Variants in HDAC7 observed in about 807,000 individuals in gnomAD.
HDAC7 encodes histone deacetylase 7A.
Under a neutral mutation model 115.5 loss-of-function variants are expected in HDAC7, and 26 were observed. The ratio of observed to expected loss-of-function variants is 0.23; its 90% CI spans 0.16 to 0.31. The LOEUF (loss-of-function observed/expected upper bound fraction) is 0.31. Ranked by LOEUF, HDAC7 falls within the 10% of genes least tolerant of loss-of-function variation. The probability of loss-of-function intolerance (pLI) is 1.00; values close to 1 mark genes in which losing one functional copy is unlikely to be tolerated. For synonymous variants in HDAC7, 564 were observed against 550.9 expected (o/e 1.02, Z -0.33); for missense variants, 1,068 against 1,329.0 (o/e 0.80, Z 3.05).
chr12:47,808,332 C>T (rs1944493528), intron 1 of HDAC7, among the ~76,000 whole-genome samples: 1 of 152,140 alleles, frequency 6.6e-6, no homozygotes, highest in Admixed American at 6.5e-5. Flanking sequence ...CCCCACCCCA[C>T]CTCCACTTCT....
Position 47,797,799 on chromosome 12 carries a change from C to A in HDAC7, c.462-300G>T, listed in dbSNP as rs539191123. Among the ~76,000 whole-genome samples, 1 of 150,378 alleles carries A rather than the reference C, an allele frequency of 6.6e-6. No individual in the cohort carries two copies. Among genetic ancestry groups the A allele is most frequent in the African/African-American group, 2.5e-5 (1 of 40,810 alleles). On this transcript the variant is annotated intron_variant, in intron 5 of 25. Transcript: ENST00000080059. This position sits in a 1 kb window ranked among gnomAD's most constrained non-coding sequence, Gnocchi z 5.5. Reference sequence around the variant, plus strand: ...TGCTCTGGGAACCAGGACATTTTTGCGCTCAGGGAAAATATAAAGAGAGAA... The same window carrying A: ...TGCTCTGGGAACCAGGACATTTTTGAGCTCAGGGAAAATATAAAGAGAGAA...
At chr12:47,787,961 C>A in intron 20 of HDAC7, 84 bp downstream of exon 20, 1 of 1,585,880 alleles carries the variant, frequency 6.3e-7, no homozygotes, top group Non-Finnish European at 8.6e-7. Context: ...TGCCCAGGAT[C>A]ACACAGCTCG....
intron 1 of HDAC7, chr12:47,813,316 A>G (rs1468568860): frequency 6.6e-6 from 1 of 151,954 alleles, no homozygotes; most frequent in Non-Finnish European, 1.5e-5. Context: ...GGGGCAAGCA[A>G]AACAAGACGG....
In HDAC7 at chr12:47,803,354, A is replaced by T. The variant is rs1381403009; in HGVS notation, c.20-1080T>A. Among the ~76,000 whole-genome samples the T allele has an allele frequency of 6.6e-6, 1 of 152,188 alleles. No individual in the cohort carries two copies. Among genetic ancestry groups the T allele is most frequent in the Non-Finnish European group, 1.5e-5 (1 of 68,018 alleles). Reference sequence around the variant, plus strand: ...GGGTGCTCCTTTGGGTCTGTGTCTCAGAGGCAGCCACAGTTCCTCTTCAGA... The same window carrying T: ...GGGTGCTCCTTTGGGTCTGTGTCTCTGAGGCAGCCACAGTTCCTCTTCAGA... On this transcript the variant is annotated intron_variant, in intron 1 of 25. Coordinates refer to ENST00000080059, the MANE Select transcript of HDAC7 (RefSeq NM_015401.5). The surrounding 1 kb of genome is among the most constrained non-coding windows in gnomAD (Gnocchi z 4.0).
chr12:47,784,378 T>G (rs1449046513), intron 24 of HDAC7, 161 bp from the exon 25 acceptor site: 2 of 709,664 alleles, frequency 2.8e-6, no homozygotes, highest in Non-Finnish European at 4.6e-6. Context: ...TCTCCTCACT[T>G]CGCTCCCACT....
intron 7 of HDAC7, among the ~76,000 whole-genome samples, chr12:47,796,551 G>A (rs1242060663): frequency 6.6e-6 from 1 of 151,384 alleles, no homozygotes; most frequent in Non-Finnish European, 1.5e-5. Context: ...AGCCTCCCAA[G>A]TAGCTGGGAC....
chr12:47,819,455 G>A (rs1049981024), intron 1 of HDAC7, among the ~76,000 whole-genome samples: 1 of 152,172 alleles, frequency 6.6e-6, no homozygotes, highest in Admixed American at 6.5e-5. Flanking sequence ...CCCGCACACC[G>A]GCGGCCGGGG....
rs781205189 is a variant in HDAC7, at chr12:47,794,790, T to A, written c.1428A>T (p.Arg476Ser). The change falls in exon 12 of 26, where the codon AGA (arginine) becomes AGT (serine). Residue 476 changes from arginine to serine, a missense_variant. Physicochemically the swap from Arg to Ser is moderately radical, Grantham distance 110. Transcript: ENST00000080059. ...RELGHGQPEA[R>S]GPAPLQQHPQ... Reference sequence around the variant, plus strand: ...GGTGCTGCTGGAGAGGAGCGGGGCCTCTGGCCTCAGGCTGCCCATGGCCCA... The same window carrying A: ...GGTGCTGCTGGAGAGGAGCGGGGCCACTGGCCTCAGGCTGCCCATGGCCCA... 6.2e-7 allele frequency: 1 copy of A among 1,610,572 alleles called. No individual in the cohort carries two copies. The highest frequency in any genetic ancestry group is 8.5e-7 in the Non-Finnish European group (1 of 1,178,838).
rs1475510897 is a variant in HDAC7, at chr12:47,791,998, A to C, written c.1685T>G (p.Ile562Ser). 6.2e-7 allele frequency: 1 copy of C among 1,607,848 alleles called. No homozygotes were observed. ...GTGCTTCAGCATGACCGAGTCATAG[A>C]TCAGCCCTGCAGGAGCAAGGGTCAG... ...ARTLPFTTGL[I>S]YDSVMLKHQC... Residue 562 changes from isoleucine to serine, a missense_variant, in exon 14 of 26, where the codon ATC (isoleucine) becomes AGC (serine). Transcript: ENST00000080059.
chr12:47,808,304 T>C (rs759459403), intron 1 of HDAC7, among the ~76,000 whole-genome samples: 4 of 152,184 alleles, frequency 2.6e-5, no homozygotes, highest in Admixed American at 6.5e-5. Context: ...TGGCCTGAGC[T>C]GGGAGCCAGT....
At chr12:47,818,877 G>A (rs1944924343) in intron 1 of HDAC7, among the ~76,000 whole-genome samples, 1 of 152,224 alleles carries the variant, frequency 6.6e-6, no homozygotes, top group African/African-American at 2.4e-5. Flanking sequence ...AGCCACAGCG[G>A]GAAGCAATGG....
intron 1 of HDAC7, among the ~76,000 whole-genome samples, chr12:47,805,968 C>G (rs1020545334): frequency 6.6e-6 from 1 of 152,244 alleles, no homozygotes; most frequent in East Asian, 1.9e-4. Flanking sequence ...CATATTTGAA[C>G]AAGTACAATA....
chr12:47,819,199 C>T (rs893184583), intron 1 of HDAC7: 1 of 152,584 alleles, frequency 6.6e-6, no homozygotes, highest in Admixed American at 6.5e-5. Flanking sequence ...AGCCAGAGAC[C>T]CCTCCAAGGG....
Position 47,796,098 on chromosome 12 carries a change from G to A in HDAC7, c.796-82C>T, listed in dbSNP as rs542245951. On this transcript the variant is annotated intron_variant, in intron 8 of 25. Coordinates refer to ENST00000080059, the MANE Select transcript of HDAC7 (RefSeq NM_015401.5). The stretch of plus-strand genomic sequence containing the variant: ...TTCCCCAGAACACCCAGGAGGCTCT[G>A]GCAGGGGCTGCCCAGACCCTGCAGC... The A allele has an allele frequency of 1.7e-5, 26 of 1,516,360 alleles. No individual in the cohort carries two copies. The East Asian group carries it at 2.4e-4, about 14-fold the overall frequency. 93.9% of individuals were successfully genotyped at this position (1,516,360 alleles called of 1,614,324 possible).
At position 47,799,946 on chromosome 12, in the gene HDAC7, C is replaced by T. The variant is rs114803544; in HGVS notation, c.71-974G>A. 8.4e-3 allele frequency among the ~76,000 whole-genome samples: 1,286 copies of T among 152,304 alleles called. 21 individuals are homozygous for T. Among genetic ancestry groups the T allele is most frequent in the African/African-American group, 0.029 (1,211 of 41,566 alleles). The stretch of plus-strand genomic sequence containing the variant: ...AGGGCACACAAGTGGAGAAGCCTTC[C>T]TGGAGAGGCCTCCTTCAGCAATTCC... On this transcript the variant is annotated intron_variant, in intron 2 of 25. Coordinates refer to ENST00000080059, the MANE Select transcript of HDAC7 (RefSeq NM_015401.5).
In HDAC7 at chr12:47,783,671, A is replaced by G; in HGVS notation, c.*170T>C. On this transcript the variant is annotated 3_prime_UTR_variant, in exon 26 of 26. Transcript: ENST00000080059. ...CCTCTCCAGTTCCCATTCTAGACCC[A>G]GGGATTTTCTCACGCTCCCTGGGAT... is the stretch of plus-strand genomic sequence containing the variant. The G allele has an allele frequency of 2.8e-6, 2 of 716,674 alleles. No homozygotes were observed. Among genetic ancestry groups the G allele is most frequent in the South Asian group, 3.4e-5 (2 of 58,700 alleles). 44.4% of individuals were successfully genotyped at this position (716,674 alleles called of 1,614,324 possible). A position where few individuals can be genotyped will look rare whatever the true frequency, so the allele number is the denominator to read the frequency against.
Position 47,798,456 on chromosome 12 carries a change from G to A in HDAC7, c.349+106C>T. On this transcript the variant is annotated intron_variant, in intron 4 of 25. Transcript: ENST00000080059. The surrounding 1 kb of genome is among the most constrained non-coding windows in gnomAD (Gnocchi z 4.3). ...AAGCAGAGGGAAAGCCTCGGCTCAG[G>A]CCCAGCTGGCTGCGGCCCTCCCACC... is the stretch of plus-strand genomic sequence containing the variant. The A allele has an allele frequency of 9.7e-7, 1 of 1,031,850 alleles. No individual in the cohort carries two copies. Among genetic ancestry groups the A allele is most frequent in the Non-Finnish European group, 1.5e-6 (1 of 675,328 alleles). The allele number at this position is 1,031,850 out of a possible 1,614,324, so 63.9% of individuals were successfully genotyped here. A position where few individuals can be genotyped will look rare whatever the true frequency, so the allele number is the denominator to read the frequency against.
intron 13 of HDAC7, 137 bp from the exon 14 acceptor site, chr12:47,792,141 G>T: frequency 1.0e-6 from 1 of 976,330 alleles, no homozygotes; most frequent in Non-Finnish European, 1.5e-6. Context: ...CACCCACACA[G>T]GCCTGCATTT....
At position 47,816,877 on chromosome 12, in the gene HDAC7, C is replaced by A. The variant is rs1051480296; in HGVS notation, c.19+2890G>T. On this transcript the variant is annotated intron_variant, in intron 1 of 25. Transcript: ENST00000080059. ...CCCCTCTTTCCCTCTCCCTTCCCCC[C>A]AGAAGACGCCAAAGGGCCTTCCCCC... 3.3e-5 allele frequency among the ~76,000 whole-genome samples: 5 copies of A among 152,192 alleles called. No individual in the cohort carries two copies. The East Asian group carries it at 9.6e-4, about 29-fold the overall frequency.
Sources: gnomAD v4.1 joint callset for allele counts (sites outside exome capture counted in the v4.1 genomes callset) on GRCh38, gnomAD v4.1.1 for gene constraint, Gnocchi (gnomAD v3.1) non-coding constraint, MANE v1.5 for transcripts, NCBI Gene and HGNC (gene_info 2026-07-23, HGNC 2026-07-21) for gene names.